Variants in CNTN5 observed in about 807,000 individuals in gnomAD.
CNTN5 encodes contactin 5.
A neutral mutation model predicts 129.1 loss-of-function variants in CNTN5; 77 were observed. That is an observed-to-expected ratio of 0.60 (90% CI 0.50 to 0.72). CNTN5 has a LOEUF of 0.72. CNTN5 is among the 30% of genes least tolerant of loss of function. CNTN5 has a pLI of 0.00. For missense variants in CNTN5, 1,478 were observed against 1,328.8 expected (o/e 1.11, Z -1.75); for synonymous variants, 509 against 465.6 (o/e 1.09, Z -1.20).
chr11:99,851,655 T>C (rs1947877523), intron 6 of CNTN5, among the ~76,000 whole-genome samples: 2 of 152,242 alleles, frequency 1.3e-5, no homozygotes, highest in South Asian at 4.1e-4. Context: ...CTTGGTAAAT[T>C]GATAGTTCCT....
intron 21 of CNTN5, among the ~76,000 whole-genome samples, chr11:100,321,674 T>C (rs1229720177): frequency 6.6e-6 from 1 of 152,162 alleles, no homozygotes; most frequent in African/African-American, 2.4e-5. Flanking sequence ...AGAATGATGT[T>C]AGTTGTGTGT....
chr11:99,243,090 G>T (rs376532066), intron 1 of CNTN5, among the ~76,000 whole-genome samples: 2 of 151,992 alleles, frequency 1.3e-5, no homozygotes, highest in African/African-American at 2.4e-5. Flanking sequence ...ACTAATTTAC[G>T]TTCTCACAAC....
chr11:99,250,382 A>T (rs915838453), intron 1 of CNTN5, among the ~76,000 whole-genome samples: 1 of 151,964 alleles, frequency 6.6e-6, no homozygotes, highest in African/African-American at 2.4e-5. Context: ...TAATACCAGG[A>T]AATACATGAA....
At chr11:100,101,618 GT>G (rs1945227971) in intron 13 of CNTN5, among the ~76,000 whole-genome samples, 1 of 151,812 alleles carries the variant, frequency 6.6e-6, no homozygotes, top group Non-Finnish European at 1.5e-5. Context: ...GGTACAGGTG[GT>G]TTTTGGTTAT....
intron 18 of CNTN5, among the ~76,000 whole-genome samples, chr11:100,286,064 C>G (rs897367342): frequency 6.6e-6 from 1 of 152,196 alleles, no homozygotes; most frequent in African/African-American, 2.4e-5. Context: ...AAAAAACGGC[C>G]CAACACGAGA....
chr11:99,624,505 G>T (rs745637974), intron 3 of CNTN5, among the ~76,000 whole-genome samples: 1 of 152,046 alleles, frequency 6.6e-6, no homozygotes, highest in Admixed American at 6.6e-5. Context: ...ATCAGATGAG[G>T]TGGTGGGTTT....
chr11:99,720,719 C>G (rs528433038), intron 3 of CNTN5, among the ~76,000 whole-genome samples: 4 of 152,074 alleles, frequency 2.6e-5, no homozygotes, highest in Admixed American at 6.6e-5. Context: ...TTTCATTTTG[C>G]AGGTGACATG....
intron 1 of CNTN5, among the ~76,000 whole-genome samples, chr11:99,221,068 T>C (rs933439233): frequency 1.3e-5 from 2 of 151,888 alleles, no homozygotes; most frequent in African/African-American, 4.8e-5. Context: ...TAGAGAGCTA[T>C]TGCAGGATTC....
chr11:99,793,904 A>G (rs1237035598), intron 3 of CNTN5, among the ~76,000 whole-genome samples: 2 of 152,164 alleles, frequency 1.3e-5, no homozygotes, highest in African/African-American at 4.8e-5. Flanking sequence ...TTTTGTATGG[A>G]GAGTTCTGTA....
chr11:100,148,916 G>GA (rs751552115), intron 13 of CNTN5, among the ~76,000 whole-genome samples: 83 of 152,134 alleles, frequency 5.5e-4, no homozygotes, highest in Non-Finnish European at 1.0e-3. Context: ...AATGTTTAAT[G>GA]AAAAAATTAA....
At chr11:100,281,209 A>G (rs1361988201) in intron 18 of CNTN5, among the ~76,000 whole-genome samples, 1 of 152,060 alleles carries the variant, frequency 6.6e-6, no homozygotes, top group Non-Finnish European at 1.5e-5. Context: ...ATGATTATTT[A>G]TTCCTCATTA....
chr11:99,436,121 A>G (rs961233857), intron 2 of CNTN5, among the ~76,000 whole-genome samples: 1 of 152,206 alleles, frequency 6.6e-6, no homozygotes, highest in Admixed American at 6.5e-5. Flanking sequence ...AAAGCAGATC[A>G]TGATCATTTG....
At chr11:100,086,626 A>T (rs1297602886) in intron 13 of CNTN5, among the ~76,000 whole-genome samples, 1 of 151,400 alleles carries the variant, frequency 6.6e-6, no homozygotes, top group Admixed American at 6.6e-5. Flanking sequence ...ATATATCAGA[A>T]ATTACTGTAA....
intron 6 of CNTN5, among the ~76,000 whole-genome samples, chr11:99,873,073 T>TA (rs1948543840): frequency 9.5e-6 from 1 of 105,654 alleles, no homozygotes; most frequent in African/African-American, 3.7e-5. Flanking sequence ...GAATCACTAT[T>TA]ACAAACACTT....
intron 15 of CNTN5, among the ~76,000 whole-genome samples, chr11:100,199,159 G>T (rs1333411212): frequency 6.6e-6 from 1 of 151,878 alleles, no homozygotes; most frequent in Non-Finnish European, 1.5e-5. Context: ...AACTTGGCAT[G>T]CGAAGTCCTG....
intron 2 of CNTN5, among the ~76,000 whole-genome samples, chr11:99,368,685 A>C (rs1006621463): frequency 6.6e-6 from 1 of 152,162 alleles, no homozygotes; most frequent in East Asian, 1.9e-4. Context: ...CTGTTGTATT[A>C]GTCAGAAAAT....
At chr11:100,089,740 T>C (rs1017465381) in intron 13 of CNTN5, among the ~76,000 whole-genome samples, 2 of 152,166 alleles carry the variant, frequency 1.3e-5, no homozygotes, top group African/African-American at 4.8e-5. Context: ...ATCATGTCCT[T>C]TGCAGGGACG....
At chr11:99,260,867 G>A (rs1364931768) in intron 1 of CNTN5, among the ~76,000 whole-genome samples, 1 of 151,870 alleles carries the variant, frequency 6.6e-6, no homozygotes, top group Non-Finnish European at 1.5e-5. Context: ...TCCTACAAAT[G>A]CTATGTATGT....
chr11:99,760,117 A>G (rs1029187776), intron 3 of CNTN5, among the ~76,000 whole-genome samples: 2 of 152,144 alleles, frequency 1.3e-5, no homozygotes, highest in Non-Finnish European at 2.9e-5. Context: ...TTTTTCTCCA[A>G]TCCTTTTTTG....
Sources: allele counts gnomAD v4.1 joint callset (sites outside exome capture counted in the v4.1 genomes callset), GRCh38; gene constraint gnomAD v4.1.1; transcripts MANE v1.5; gene names NCBI Gene and HGNC (gene_info 2026-07-23, HGNC 2026-07-21).